TSHZ2: variants seen among roughly 807,000 people sequenced by gnomAD.
TSHZ2 encodes the protein teashirt zinc finger homeobox 2.
TSHZ2 carries 21 observed loss-of-function variants against 74.4 expected under a neutral mutation model. The ratio of observed to expected loss-of-function variants is 0.28; its 90% CI spans 0.20 to 0.41. TSHZ2 has a LOEUF of 0.41. TSHZ2 is among the 10% of genes least tolerant of loss of function. The pLI is 1.00. For missense variants in TSHZ2, 1,244 were observed against 1,293.5 expected (o/e 0.96, Z 0.59); for synonymous variants, 540 against 515.3 (o/e 1.05, Z -0.65).
intron 1 of TSHZ2, among the ~76,000 whole-genome samples, chr20:53,213,821 C>T (rs1293363): frequency 0.22 from 33,624 of 151,888 alleles, 4,630 homozygotes; most frequent in Admixed American, 0.37. Flanking sequence ...GGCCCTGTCA[C>T]CGTGACTTCT....
intron 2 of TSHZ2, among the ~76,000 whole-genome samples, chr20:53,330,446 T>C (rs768926980): frequency 2.6e-5 from 4 of 152,196 alleles, no homozygotes; most frequent in Non-Finnish European, 5.9e-5. Flanking sequence ...AAGCCTTCAA[T>C]TGACAGACTG....
At chr20:53,041,300 C>G (rs1485717892) in intron 1 of TSHZ2, among the ~76,000 whole-genome samples, 1 of 152,208 alleles carries the variant, frequency 6.6e-6, no homozygotes, top group African/African-American at 2.4e-5. Context: ...CTTCTGGAAA[C>G]TTCTATTCTC....
chr20:53,361,356 G>C (rs535156012), intron 2 of TSHZ2, among the ~76,000 whole-genome samples: 28 of 152,344 alleles, frequency 1.8e-4, no homozygotes, highest in African/African-American at 6.7e-4. Flanking sequence ...TATTGTCCTG[G>C]TGATAAATGA....
At chr20:53,157,508 G>C (rs1346183629) in intron 1 of TSHZ2, among the ~76,000 whole-genome samples, 1 of 150,754 alleles carries the variant, frequency 6.6e-6, no homozygotes, top group African/African-American at 2.5e-5. Flanking sequence ...CTGGGCTCAA[G>C]CAATCCTCAT....
intron 2 of TSHZ2, among the ~76,000 whole-genome samples, chr20:53,406,270 C>T (rs1252009709): frequency 1.3e-5 from 2 of 152,190 alleles, no homozygotes; most frequent in Non-Finnish European, 2.9e-5. Flanking sequence ...AAAAAGATGG[C>T]ACCATCTATG....
chr20:53,212,442 C>T (rs925145627), intron 1 of TSHZ2, among the ~76,000 whole-genome samples: 6 of 152,102 alleles, frequency 3.9e-5, no homozygotes, highest in African/African-American at 9.7e-5. Context: ...TAATTCTTTA[C>T]GGGAACACAG....
chr20:53,094,315 C>A (rs1443718722), intron 1 of TSHZ2, among the ~76,000 whole-genome samples: 1 of 152,120 alleles, frequency 6.6e-6, no homozygotes, highest in African/African-American at 2.4e-5. Flanking sequence ...TAAAAACAAT[C>A]TTGTAACTAT....
chr20:53,077,182 G>A (rs908588871), intron 1 of TSHZ2, among the ~76,000 whole-genome samples: 1 of 152,162 alleles, frequency 6.6e-6, no homozygotes, highest in African/African-American at 2.4e-5. Context: ...GGAGGCTAAG[G>A]CGGGTGGGTC....
At chr20:53,276,139 C>T (rs915582260) in intron 2 of TSHZ2, among the ~76,000 whole-genome samples, 1 of 152,150 alleles carries the variant, frequency 6.6e-6, no homozygotes, top group African/African-American at 2.4e-5. Flanking sequence ...TCCACCTTTC[C>T]ACTCAGATGT....
Position 53,204,410 on chromosome 20 carries a change from G to GATATGATACTATATCATAATATAACATT in TSHZ2, c.41-49087_41-49086insATGATACTATATCATAATATAACATTAT, listed in dbSNP as rs1568811265. ...ATGATACTATATCATCATATAACAT[G>GATATGATACTATATCATAATATAACATT]ATGATATGATACTATTATATCATAA... On this transcript the variant is annotated intron_variant, in intron 1 of 2. Coordinates refer to ENST00000371497, the MANE Select transcript of TSHZ2 (RefSeq NM_173485.6). Among the ~76,000 whole-genome samples the GATATGATACTATATCATAATATAACATT allele has an allele frequency of 1.6e-5, 2 of 128,516 alleles. 1 individual carries two copies. Among genetic ancestry groups the GATATGATACTATATCATAATATAACATT allele is most frequent in the African/African-American group, 6.7e-5 (2 of 29,710 alleles). The allele number at this position is 128,516 out of a possible 152,430, so 84.3% of individuals were successfully genotyped here.
chr20:53,162,684 G>A (rs1987971220), intron 1 of TSHZ2, among the ~76,000 whole-genome samples: 1 of 152,168 alleles, frequency 6.6e-6, no homozygotes, highest in South Asian at 2.1e-4. Flanking sequence ...TAGTGGGGGT[G>A]TTGCATGGGA....
chr20:53,118,085 C>A (rs568743768), intron 1 of TSHZ2, among the ~76,000 whole-genome samples: 1 of 152,140 alleles, frequency 6.6e-6, no homozygotes, highest in Non-Finnish European at 1.5e-5. Context: ...ACTGTTTGAT[C>A]GGCATGCTTA....
chr20:53,088,422 C>T (rs921182905), intron 1 of TSHZ2, among the ~76,000 whole-genome samples: 1 of 152,138 alleles, frequency 6.6e-6, no homozygotes, highest in Non-Finnish European at 1.5e-5. Context: ...CTGTTTGTTT[C>T]TGACTTTAAA....
intron 2 of TSHZ2, among the ~76,000 whole-genome samples, chr20:53,312,134 C>T (rs1978818348): frequency 6.6e-6 from 1 of 152,120 alleles, no homozygotes; most frequent in African/African-American, 2.4e-5. Context: ...TGCAACTGCA[C>T]TCACATGACA....
intron 1 of TSHZ2, among the ~76,000 whole-genome samples, chr20:53,030,736 A>G (rs1450270349): frequency 6.6e-6 from 1 of 152,252 alleles, no homozygotes; most frequent in Non-Finnish European, 1.5e-5. Context: ...TCACCCACAG[A>G]TATCACCACT....
intron 2 of TSHZ2, among the ~76,000 whole-genome samples, chr20:53,316,394 CGTA>C (rs969841304): frequency 1.2e-4 from 18 of 152,044 alleles, no homozygotes; most frequent in African/African-American, 4.3e-4. Context: ...GAGCCCTCAG[CGTA>C]GTAGGGGGTT....
chr20:53,227,261 C>G (rs1989706206), intron 1 of TSHZ2, among the ~76,000 whole-genome samples: 1 of 151,770 alleles, frequency 6.6e-6, no homozygotes, highest in South Asian at 2.1e-4. Context: ...AAACAAGGGT[C>G]AGTGGGTCTC....
intron 2 of TSHZ2, among the ~76,000 whole-genome samples, chr20:53,447,756 T>G (rs947023493): frequency 1.7e-4 from 26 of 152,206 alleles, no homozygotes; most frequent in African/African-American, 5.3e-4. Flanking sequence ...ATGATTGGAT[T>G]GATGCTATGG....
At chr20:53,184,489 T>C (rs556575061) in intron 1 of TSHZ2, among the ~76,000 whole-genome samples, 3 of 152,174 alleles carry the variant, frequency 2.0e-5, no homozygotes, top group Non-Finnish European at 4.4e-5. Context: ...ATGTGAATTT[T>C]AAGGCATTAT....
Sources: allele counts gnomAD v4.1 joint callset (sites outside exome capture counted in the v4.1 genomes callset), GRCh38; gene constraint gnomAD v4.1.1; transcripts MANE v1.5; gene names NCBI Gene and HGNC (gene_info 2026-07-23, HGNC 2026-07-21).